ZNF202: variants seen among roughly 807,000 people sequenced by gnomAD.
The protein encoded by ZNF202 is zinc finger protein with KRAB and SCAN domains 10.
A neutral mutation model predicts 54.5 loss-of-function variants in ZNF202; 22 were observed. The ratio of observed to expected loss-of-function variants is 0.40; its 90% CI spans 0.29 to 0.58. The LOEUF is 0.58. Among genes scored for constraint, ZNF202 ranks in the 20% least tolerant of loss-of-function variants. The pLI, the probability that ZNF202 is intolerant of heterozygous loss-of-function variation, is 0.39. For synonymous variants in ZNF202, 294 were observed against 301.4 expected, an observed-to-expected ratio of 0.98 and a Z score of 0.26; for missense variants, 644 against 805.5, an observed-to-expected ratio of 0.80 and a Z score of 2.43.
intron 3 of ZNF202, among the ~76,000 whole-genome samples, chr11:123,739,192 C>T (rs1861757495): frequency 6.6e-6 from 1 of 152,128 alleles, no homozygotes; most frequent in South Asian, 2.1e-4. Context: ...GGTAATAAAC[C>T]ATTCACAGGG....
At position 123,728,166 on chromosome 11, in the gene ZNF202, A is replaced by G; in HGVS notation, c.799T>C (p.Leu267=). 6.2e-7 allele frequency: 1 copy of G among 1,612,546 alleles called. No individual in the cohort carries two copies. Among genetic ancestry groups the G allele is most frequent in the Non-Finnish European group, 8.5e-7 (1 of 1,179,074 alleles). The change falls in exon 7 of 9, where the codon TTG becomes CTG. Residue 267 remains leucine (L), a synonymous_variant. Transcript: ENST00000530393. The part of the protein sequence containing the change: ...TQKEFYGEYV[L]EEDCGIVVSL... The stretch of plus-strand genomic sequence containing the variant: ...ACAACAATTCCACAGTCTTCTTCCA[A>G]GACATATTCTCCATAGAACTCTTTC...
intron 3 of ZNF202, among the ~76,000 whole-genome samples, chr11:123,735,310 C>T (rs996360224): frequency 3.3e-5 from 5 of 152,170 alleles, no homozygotes; most frequent in African/African-American, 1.2e-4. Context: ...GATCCTACAA[C>T]GTATGCATTG....
In ZNF202 at chr11:123,725,205, G is replaced by C. The variant is rs982417155; in HGVS notation, c.*792C>G. The C allele has an allele frequency of 6.6e-6, 1 of 152,200 alleles. No individual in the cohort carries two copies. Among genetic ancestry groups the C allele is most frequent in the African/African-American group, 2.4e-5 (1 of 41,458 alleles). 9.4% of individuals were successfully genotyped at this position (152,200 alleles called of 1,614,324 possible). A position where few individuals can be genotyped will look rare whatever the true frequency, so the allele number is the denominator to read the frequency against. On this transcript the variant is annotated 3_prime_UTR_variant, in exon 9 of 9. Transcript: ENST00000530393. ...AGAAGTGCTAGGGATGCAACCAAGA[G>C]ACTGGTTGAATAACGGGAAGGTTAA...
rs1144507 is a variant in ZNF202 at position 123,729,767 on chromosome 11, A to G, written c.461T>C (p.Val154Ala). 0.69 allele frequency: 1,115,541 copies of G among 1,612,970 alleles called. 387,385 individuals carry two copies. Among genetic ancestry groups the G allele is most frequent in the Middle Eastern group, 0.78 (4,741 of 6,052 alleles). The change falls in exon 5 of 9, where the codon GTG becomes GCG. Residue 154 changes from valine (V) to alanine (A), a missense_variant. Physicochemically the swap from Val to Ala is moderately conservative, Grantham distance 64. This residue lies in a region of ZNF202 where 536 missense variants were observed against 635.3 expected (regional missense o/e 0.84). Coordinates refer to ENST00000530393, the MANE Select transcript of ZNF202 (RefSeq NM_003455.4). ...CAGCTCATTAGGTGACTCAGGCTCC[A>G]CTCCTAAATGCACCGTCTCCTCTGA... ...VLSEETVHLG[V>A]EPESPNELQD...
In ZNF202 at chr11:123,726,569, G is replaced by C; in HGVS notation, c.1375C>G (p.Arg459Gly). ...GGGGAGGTCTCTTCCAAATTCTTCC[G>C]GTTTAGGGGATATTTGTAAGGCGCG... Reference protein sequence around the residue: ...MNAPYKYPLNRKNLEETSPVT... With the variant: ...MNAPYKYPLNGKNLEETSPVT... The change falls in exon 9 of 9, where the codon CGG becomes GGG. Residue 459 changes from arginine (R) to glycine (G), a missense_variant. Physicochemically the swap from Arg to Gly is moderately radical, Grantham distance 125. This residue lies in a region of ZNF202 where 536 missense variants were observed against 635.3 expected (regional missense o/e 0.84). Coordinates refer to ENST00000530393, the MANE Select transcript of ZNF202 (RefSeq NM_003455.4). This position sits in a 1 kb window ranked among gnomAD's most constrained non-coding sequence, Gnocchi z 6.0. 1 of 1,614,180 alleles carries C rather than the reference G, an allele frequency of 6.2e-7. No homozygotes were observed. The highest frequency in any genetic ancestry group is 8.5e-7 in the Non-Finnish European group (1 of 1,180,034).
rs1389524804 is a variant in ZNF202 at position 123,730,859 on chromosome 11, C to T, written c.30G>A (p.Gln10=). The change falls in exon 4 of 9, where the codon CAG becomes CAA. Residue 10 remains glutamine, a synonymous_variant. Transcript: ENST00000530393. The surrounding 1 kb of genome is among the most constrained non-coding windows in gnomAD (Gnocchi z 6.0). ...GAATTCCCTCTTCTTCCCAAAGATC[C>T]TGGTCCTCTGGTTCCACGGCTGTAG... MATAVEPED[Q]DLWEEEGILM... is the part of the protein sequence containing the mutation. 1.2e-6 allele frequency: 2 copies of T among 1,614,078 alleles called. No individual in the cohort carries two copies. The highest frequency in any genetic ancestry group is 8.5e-7 in the Non-Finnish European group (1 of 1,179,958).
At chr11:123,738,843 T>C (rs1861741909) in intron 3 of ZNF202, 1 of 152,152 alleles carries the variant, frequency 6.6e-6, no homozygotes, top group Non-Finnish European at 1.5e-5. Context: ...TTTGAGGAGA[T>C]GATAAGGGAT....
At chr11:123,741,104 G>A (rs1379691663) in intron 1 of ZNF202, among the ~76,000 whole-genome samples, 2 of 152,132 alleles carry the variant, frequency 1.3e-5, no homozygotes, top group Non-Finnish European at 2.9e-5. Context: ...GCCGGGGCAA[G>A]GAGCCCGCGG....
intron 3 of ZNF202, among the ~76,000 whole-genome samples, chr11:123,731,192 G>A (rs1237172770): frequency 6.6e-6 from 1 of 152,094 alleles, no homozygotes; most frequent in Non-Finnish European, 1.5e-5. Context: ...CCTTTCCTAG[G>A]CAAGGTTCAT....
rs1162994038 is a variant in ZNF202, at chr11:123,727,608, G to A, written c.833-13C>T. On this transcript the variant is annotated splice_polypyrimidine_tract_variant and intron_variant, in intron 7 of 8. Coordinates refer to ENST00000530393, the MANE Select transcript of ZNF202 (RefSeq NM_003455.4). ...GGGATTGGAAATGCTGCTCAAGAGA[G>A]GGAAAATAGGATATCACGATTGGCT... The A allele has an allele frequency of 3.1e-6, 5 of 1,613,836 alleles. No homozygotes were observed. Among genetic ancestry groups the A allele is most frequent in the Non-Finnish European group, 4.2e-6 (5 of 1,179,854 alleles).
chr11:123,724,949 C>T lies in ZNF202; in HGVS notation c.*1048G>A, dbSNP rs1407751999. 1.3e-5 allele frequency: 2 copies of T among 152,178 alleles called. No individual in the cohort carries two copies. The highest frequency in any genetic ancestry group is 4.8e-5 in the African/African-American group (2 of 41,442). 9.4% of individuals were successfully genotyped at this position (152,178 alleles called of 1,614,324 possible). ...TTTCCATAATTTGGTCTTAGTCGTT[C>T]TCCAGTTGTCTTCATGTAAATAAAG... is the stretch of plus-strand genomic sequence containing the variant. On this transcript the variant is annotated 3_prime_UTR_variant, in exon 9 of 9. Transcript: ENST00000530393.
In ZNF202 at chr11:123,726,692, T is replaced by C. The variant is rs1464354538; in HGVS notation, c.1252A>G (p.Thr418Ala). ...TTATAGGGTTTCTCTCCTGTGTGAG[T>C]CCTCAGGTGTCTAACAAGGTGGGAG... Reference protein sequence around the residue: ...CNSHLVRHLRTHTGEKPYKCM... With the variant: ...CNSHLVRHLRAHTGEKPYKCM... The change falls in exon 9 of 9, where the codon ACT (threonine) becomes GCT (alanine). Residue 418 changes from threonine (T) to alanine (A), a missense_variant. By Grantham distance (58) the Thr-to-Ala change is moderately conservative. Transcript: ENST00000530393. The surrounding 1 kb of genome is among the most constrained non-coding windows in gnomAD (Gnocchi z 6.0). 2 of 1,614,070 alleles carry C rather than the reference T, an allele frequency of 1.2e-6. No homozygotes were observed. The highest frequency in any genetic ancestry group is 1.1e-5 in the South Asian group (1 of 91,086).
chr11:123,732,715 A>C (rs1861464257), intron 3 of ZNF202, among the ~76,000 whole-genome samples: 1 of 152,276 alleles, frequency 6.6e-6, no homozygotes, highest in African/African-American at 2.4e-5. Context: ...ATTTTCCATC[A>C]ATCTCCAATA....
At position 123,725,806 on chromosome 11, in the gene ZNF202, T is replaced by C; in HGVS notation, c.*191A>G. 1.5e-6 allele frequency: 1 copy of C among 645,254 alleles called. No homozygotes were observed. Among genetic ancestry groups the C allele is most frequent in the Non-Finnish European group, 2.6e-6 (1 of 391,938 alleles). 40.0% of individuals were successfully genotyped at this position (645,254 alleles called of 1,614,324 possible). ...GTTGTACTTTGGATGAAACATCCCCTCAAGGCGTAGAGGAAGGCTGAGAGG... is the reference window on the plus strand; with the variant it reads ...GTTGTACTTTGGATGAAACATCCCCCCAAGGCGTAGAGGAAGGCTGAGAGG... On this transcript the variant is annotated 3_prime_UTR_variant, in exon 9 of 9. Coordinates refer to ENST00000530393, the MANE Select transcript of ZNF202 (RefSeq NM_003455.4).
chr11:123,729,791 G>T lies in ZNF202; in HGVS notation c.437C>A (p.Ser146Ter). Residue 146 changes from serine to a stop codon, truncating the protein, a stop_gained, in exon 5 of 9, where the codon TCA (serine) becomes TAA (stop). Transcript: ENST00000530393. LOFTEE classifies it high-confidence loss of function. ...CACTCCTAAATGCACCGTCTCCTCT[G>T]ACAGGACTTCCTGGCCGTGAACATG... is the stretch of plus-strand genomic sequence containing the variant. ...TVHVHGQEVL[S>*]EETVHLGVEP... The T allele has an allele frequency of 6.2e-7, 1 of 1,612,746 alleles. No individual in the cohort carries two copies. Among genetic ancestry groups the T allele is most frequent in the Non-Finnish European group, 8.5e-7 (1 of 1,179,352 alleles).
chr11:123,728,238 C>T lies in ZNF202; in HGVS notation c.727G>A (p.Ala243Thr). 2 of 1,612,156 alleles carry T rather than the reference C, an allele frequency of 1.2e-6. No individual in the cohort carries two copies. The highest frequency in any genetic ancestry group is 1.7e-5 in the Admixed American group (1 of 59,910). ...SQGLVTFKDVAVCFSQDQWSD... is the reference protein window; with the variant it reads ...SQGLVTFKDVTVCFSQDQWSD... Reference sequence around the variant, plus strand: ...CACTGGTCCTGGGAAAAGCATACGGCCACATCCTTGAACGTTACCAGTCCC... The same window carrying T: ...CACTGGTCCTGGGAAAAGCATACGGTCACATCCTTGAACGTTACCAGTCCC... Residue 243 changes from alanine to threonine, a missense_variant, in exon 7 of 9, where the codon GCC becomes ACC. This residue lies in a region of ZNF202 where 536 missense variants were observed against 635.3 expected (regional missense o/e 0.84). Transcript: ENST00000530393.
At chr11:123,740,996 G>C (rs1861838675) in intron 1 of ZNF202, among the ~76,000 whole-genome samples, 2 of 151,978 alleles carry the variant, frequency 1.3e-5, no homozygotes. Flanking sequence ...TGGACGCCAA[G>C]GACTACTATC....
At chr11:123,738,417 CCA>C (rs1190179081) in intron 3 of ZNF202, among the ~76,000 whole-genome samples, 2 of 152,108 alleles carry the variant, frequency 1.3e-5, no homozygotes, top group Admixed American at 6.5e-5. Context: ...GAAAACTACC[CCA>C]GAGCAGTTAA....
At chr11:123,738,022 T>C (rs1861702741) in intron 3 of ZNF202, among the ~76,000 whole-genome samples, 1 of 152,146 alleles carries the variant, frequency 6.6e-6, no homozygotes, top group Admixed American at 6.5e-5. Context: ...ACACAGATTT[T>C]TAAGTTTTGA....
Sources: allele counts gnomAD v4.1 joint callset (sites outside exome capture counted in the v4.1 genomes callset), GRCh38; gene constraint gnomAD v4.1.1; regional missense constraint gnomAD v4.1.1; non-coding constraint Gnocchi (gnomAD v3.1); transcripts MANE v1.5; gene names NCBI Gene and HGNC (gene_info 2026-07-23, HGNC 2026-07-21).